The following DNAJC27 variants were observed in gnomAD, a reference collection of about 807,000 sequenced individuals.
DNAJC27 encodes dnaJ homolog subfamily C member 27.
DNAJC27 carries 25 observed loss-of-function variants against 31.4 expected under a neutral mutation model. That is an observed-to-expected ratio of 0.80 (90% CI 0.58 to 1.11). DNAJC27 has a LOEUF of 1.11. Ranked by LOEUF, DNAJC27 falls within the 50% of genes most tolerant of loss-of-function variation. The probability of loss-of-function intolerance (pLI) is 0.00; values close to 1 mark genes in which losing one functional copy is unlikely to be tolerated. For synonymous variants in DNAJC27, 106 were observed against 112.7 expected, an observed-to-expected ratio of 0.94 and a Z score of 0.37; for missense variants, 356 against 347.3, an observed-to-expected ratio of 1.02 and a Z score of -0.20.
Position 24,971,881 on chromosome 2 carries a change from C to G in DNAJC27, c.24G>C (p.Arg8=), listed in dbSNP as rs752612919. 5 of 1,606,482 alleles carry G rather than the reference C, an allele frequency of 3.1e-6. No homozygotes were observed. The Admixed American group carries it at 8.5e-5, about 27-fold the overall frequency. The change falls in exon 1 of 7, where the codon CGG becomes CGC. Residue 8 remains arginine, a synonymous_variant. Coordinates refer to ENST00000264711, the MANE Select transcript of DNAJC27 (RefSeq NM_016544.3). MEANMPK[R]KEPGRSLRIK... ...TGCGGAGAGACCTGCCGGGCTCCTTCCGCTTCGGCATGTTGGCCTCCATGG... is the reference window on the plus strand; with the variant it reads ...TGCGGAGAGACCTGCCGGGCTCCTTGCGCTTCGGCATGTTGGCCTCCATGG...
rs1202219357 is a variant in DNAJC27, at chr2:24,947,758, G to A, written c.690-10C>T. On this transcript the variant is annotated splice_polypyrimidine_tract_variant and intron_variant, in intron 6 of 6. Coordinates refer to ENST00000264711, the MANE Select transcript of DNAJC27 (RefSeq NM_016544.3). ...TTTATTGACTTCATCCCTGGGAAAAGAAGCCAAGATCTATGTTAGTAACAG... is the reference window on the plus strand; with the variant it reads ...TTTATTGACTTCATCCCTGGGAAAAAAAGCCAAGATCTATGTTAGTAACAG... 6.2e-7 allele frequency: 1 copy of A among 1,609,802 alleles called. No homozygotes were observed. Among genetic ancestry groups the A allele is most frequent in the Non-Finnish European group, 8.5e-7 (1 of 1,176,776 alleles).
chr2:24,955,891 T>C (rs905254833), intron 5 of DNAJC27, among the ~76,000 whole-genome samples: 1 of 152,236 alleles, frequency 6.6e-6, no homozygotes, highest in Non-Finnish European at 1.5e-5. Context: ...TGCCACACAT[T>C]GTTGCTGTAA....
At chr2:24,956,921 T>C (rs1385711946) in intron 5 of DNAJC27, 122 bp downstream of exon 5, 2 of 1,197,362 alleles carry the variant, frequency 1.7e-6, no homozygotes, top group Non-Finnish European at 2.3e-6. Context: ...ACTAGATTCT[T>C]TGAAAAGAAA....
At chr2:24,957,357 T>C (rs1665932190) in intron 4 of DNAJC27, among the ~76,000 whole-genome samples, 192 bp from the exon 5 acceptor site, 1 of 152,224 alleles carries the variant, frequency 6.6e-6, no homozygotes, top group African/African-American at 2.4e-5. Flanking sequence ...TGATATTCTA[T>C]GGCAACAGGA....
At chr2:24,959,765 C>T (rs967568840) in intron 3 of DNAJC27, among the ~76,000 whole-genome samples, 1 of 152,234 alleles carries the variant, frequency 6.6e-6, no homozygotes, top group Non-Finnish European at 1.5e-5. Context: ...CCATTCCTCA[C>T]CATCCAGCCC....
chr2:24,966,225 C>T (rs1231986829), intron 2 of DNAJC27, among the ~76,000 whole-genome samples: 1 of 152,048 alleles, frequency 6.6e-6, no homozygotes, highest in African/African-American at 2.4e-5. Context: ...CTGAGGGTAG[C>T]AGTTCAGCAT....
chr2:24,954,469 G>C (rs1314444620), intron 5 of DNAJC27, among the ~76,000 whole-genome samples: 2 of 152,174 alleles, frequency 1.3e-5, no homozygotes, highest in African/African-American at 4.8e-5. Flanking sequence ...AAAAGAGACA[G>C]AATTTGGAAG....
chr2:24,956,962 T>G (rs543195385), intron 5 of DNAJC27, 81 bp downstream of exon 5: 1 of 1,520,974 alleles, frequency 6.6e-7, no homozygotes, highest in African/African-American at 1.4e-5. Flanking sequence ...TTCCTATTAC[T>G]TTTTTGCTTC....
chr2:24,958,940 G>A lies in DNAJC27; in HGVS notation c.241-966C>T, dbSNP rs115566657. Among the ~76,000 whole-genome samples, 1,001 of 152,284 alleles carry A rather than the reference G, an allele frequency of 6.6e-3. 11 individuals carry two copies. The highest frequency in any genetic ancestry group is 0.023 in the African/African-American group (964 of 41,548). ...ATGTACTCAGACCCACACAAGCTAT[G>A]TAGTAAGAAATGAAAACATGTTATA... On this transcript the variant is annotated intron_variant, in intron 3 of 6. Transcript: ENST00000264711.
chr2:24,955,046 A>G (rs1665873074), intron 5 of DNAJC27, among the ~76,000 whole-genome samples: 1 of 152,266 alleles, frequency 6.6e-6, no homozygotes, highest in African/African-American at 2.4e-5. Context: ...CTACTCATAC[A>G]AAGAAACATG....
intron 6 of DNAJC27, among the ~76,000 whole-genome samples, chr2:24,950,876 C>T (rs983975235): frequency 1.2e-4 from 18 of 150,488 alleles, no homozygotes; most frequent in African/African-American, 4.4e-4. Flanking sequence ...AAAAAATAAA[C>T]AAATACACAC....
At chr2:24,949,129 T>C (rs1227550758) in intron 6 of DNAJC27, among the ~76,000 whole-genome samples, 1 of 152,172 alleles carries the variant, frequency 6.6e-6, no homozygotes, top group African/African-American at 2.4e-5. Flanking sequence ...AGAACCTCCT[T>C]CTTTCATAAG....
At position 24,953,633 on chromosome 2, in the gene DNAJC27, T is replaced by C. The variant is rs1665834906; in HGVS notation, c.529-2079A>G. ...TTATCCATTAGTTCTATCCAAGATG[T>C]ATCTAAAAAGATAAAAGCCACATAA... On this transcript the variant is annotated intron_variant, in intron 5 of 6. Coordinates refer to ENST00000264711, the MANE Select transcript of DNAJC27 (RefSeq NM_016544.3). The C allele has an allele frequency of 1.4e-5, 6 of 442,586 alleles. No individual in the cohort carries two copies. In the South Asian group the frequency reaches 5.8e-4, roughly 43 times the overall value. 27.4% of individuals were successfully genotyped at this position (442,586 alleles called of 1,614,324 possible).
intron 5 of DNAJC27, among the ~76,000 whole-genome samples, chr2:24,954,861 A>G (rs2384062): frequency 1 from 151,909 of 152,286 alleles, 75,768 homozygotes; most frequent in Middle Eastern, 1. Context: ...GCATGAACCC[A>G]GGAGGCGGAG....
At chr2:24,966,845 C>T (rs1202353318) in intron 2 of DNAJC27, among the ~76,000 whole-genome samples, 1 of 152,198 alleles carries the variant, frequency 6.6e-6, no homozygotes, top group African/African-American at 2.4e-5. Flanking sequence ...TATTTATAGA[C>T]TTTTTAGAGA....
In DNAJC27 at chr2:24,951,427, CA is replaced by C. The variant is rs1315178436; in HGVS notation, c.655del (p.Trp219GlyfsTer32). On this transcript the variant is annotated frameshift_variant, in exon 6 of 7. Transcript: ENST00000264711. LOFTEE classifies it high-confidence loss of function. ...CCCAGGTTTGACTCCCAGCATGTCC[CA>C]ACTGTCTTTACTATTTCGAATTCTG... ...IRRIRNSKDS[W>X]DMLGVKPGAS... 1 of 1,613,378 alleles carries C rather than the reference CA, an allele frequency of 6.2e-7. No individual in the cohort carries two copies. The highest frequency in any genetic ancestry group is 1.1e-5 in the South Asian group (1 of 90,880).
rs1311274340 is a variant in DNAJC27, at chr2:24,945,684, G to T, written c.*1932C>A. The stretch of plus-strand genomic sequence containing the variant: ...TCTGTAGCCTCAGAAGCCAGTTAAA[G>T]GCCAGAGGAAAACCTCGCAAGAAAT... On this transcript the variant is annotated 3_prime_UTR_variant, in exon 7 of 7. Transcript: ENST00000264711. The T allele has an allele frequency of 6.6e-6, 1 of 151,934 alleles. No individual in the cohort carries two copies. Among genetic ancestry groups the T allele is most frequent in the Non-Finnish European group, 1.5e-5 (1 of 68,040 alleles). 9.4% of individuals were successfully genotyped at this position (151,934 alleles called of 1,614,324 possible).
At chr2:24,952,664 G>T (rs182039974) in intron 5 of DNAJC27, among the ~76,000 whole-genome samples, 2 of 151,890 alleles carry the variant, frequency 1.3e-5, no homozygotes, top group African/African-American at 4.8e-5. Context: ...TAATTTTTGA[G>T]TCTGACAACC....
chr2:24,956,689 G>C (rs1301006171), intron 5 of DNAJC27, among the ~76,000 whole-genome samples: 2 of 152,176 alleles, frequency 1.3e-5, no homozygotes, highest in African/African-American at 4.8e-5. Context: ...TAAACTTGAT[G>C]ATCTTCAGAA....
Sources: allele counts gnomAD v4.1 joint callset (sites outside exome capture counted in the v4.1 genomes callset), GRCh38; gene constraint gnomAD v4.1.1; transcripts MANE v1.5; gene names NCBI Gene and HGNC (gene_info 2026-07-23, HGNC 2026-07-21).